Variants in DTD1 observed in about 807,000 individuals in gnomAD.
The protein encoded by DTD1 is D-tyrosyl-tRNA deacylase 1 homolog.
Under a neutral mutation model 25.6 loss-of-function variants are expected in DTD1, and 13 were observed. The ratio of observed to expected loss-of-function variants is 0.51; its 90% CI spans 0.33 to 0.81. The LOEUF (loss-of-function observed/expected upper bound fraction) is 0.81, where lower values mean the gene tolerates loss of function less well. Ranked by LOEUF, DTD1 falls within the 30% of genes least tolerant of loss-of-function variation. The pLI is 0.02. For missense variants in DTD1, 193 were observed against 266.4 expected (o/e 0.72, Z 1.92); for synonymous variants, 110 against 103.6 (o/e 1.06, Z -0.37).
chr20:18,728,345 C>G (rs1468567953), intron 4 of DTD1, among the ~76,000 whole-genome samples: 1 of 152,222 alleles, frequency 6.6e-6, no homozygotes, highest in Non-Finnish European at 1.5e-5. Context: ...TTCAAAGCCA[C>G]TCGAACTCTG....
intron 5 of DTD1, among the ~76,000 whole-genome samples, chr20:18,744,738 G>GC (rs961956422): frequency 1.3e-3 from 193 of 151,546 alleles, no homozygotes; most frequent in African/African-American, 4.5e-3. Context: ...GGGGGAAACT[G>GC]CCCCCATGAT....
intron 3 of DTD1, among the ~76,000 whole-genome samples, chr20:18,611,386 A>G (rs1324274217): frequency 6.6e-6 from 1 of 152,228 alleles, no homozygotes; most frequent in Non-Finnish European, 1.5e-5. Flanking sequence ...TGTGAGCCCA[A>G]GGGATGTTGG....
At chr20:18,739,704 G>A (rs1343408578) in intron 4 of DTD1, among the ~76,000 whole-genome samples, 1 of 152,056 alleles carries the variant, frequency 6.6e-6, no homozygotes, top group Non-Finnish European at 1.5e-5. Context: ...CTCATATGCA[G>A]TACCAGTTTC....
chr20:18,751,402 A>G (rs553320281), intron 5 of DTD1, among the ~76,000 whole-genome samples: 3 of 152,300 alleles, frequency 2.0e-5, no homozygotes, highest in South Asian at 4.1e-4. Context: ...TTATAACAAC[A>G]GCATATTCCC....
chr20:18,623,062 C>T (rs1225651162), intron 3 of DTD1, among the ~76,000 whole-genome samples: 2 of 150,970 alleles, frequency 1.3e-5, no homozygotes, highest in African/African-American at 4.9e-5. Context: ...GCCTCAGTCT[C>T]CTGAGTAGCT....
At chr20:18,723,402 A>G (rs1272159163) in intron 4 of DTD1, among the ~76,000 whole-genome samples, 1 of 152,224 alleles carries the variant, frequency 6.6e-6, no homozygotes, top group East Asian at 1.9e-4. Flanking sequence ...GCTAATGATA[A>G]TAATAAGTAT....
At chr20:18,592,542 G>C (rs2060593571) in intron 1 of DTD1, 1 of 152,000 alleles carries the variant, frequency 6.6e-6, no homozygotes, top group Non-Finnish European at 1.5e-5. Context: ...CAGAACTCCT[G>C]TGCTGATTAG....
chr20:18,760,652 G>A (rs1392269174), intron 5 of DTD1, among the ~76,000 whole-genome samples: 3 of 152,168 alleles, frequency 2.0e-5, no homozygotes, highest in African/African-American at 4.8e-5. Flanking sequence ...CCTACAGTGC[G>A]GTGCCTCCCA....
intron 4 of DTD1, among the ~76,000 whole-genome samples, chr20:18,657,481 T>C (rs1222731984): frequency 2.0e-5 from 3 of 152,194 alleles, no homozygotes; most frequent in Non-Finnish European, 4.4e-5. Context: ...TGGCCAGAGA[T>C]AGCACCTCTA....
intron 4 of DTD1, among the ~76,000 whole-genome samples, chr20:18,688,059 A>G (rs923713762): frequency 3.3e-5 from 5 of 152,150 alleles, no homozygotes; most frequent in African/African-American, 1.2e-4. Flanking sequence ...AAAGAGTAAA[A>G]CGGAATATCT....
chr20:18,663,829 A>G (rs2060920800), intron 4 of DTD1, among the ~76,000 whole-genome samples: 1 of 152,228 alleles, frequency 6.6e-6, no homozygotes, highest in South Asian at 2.1e-4. Flanking sequence ...GGGAACTGCT[A>G]GACATTTATA....
rs3056280 is a variant in DTD1 at position 18,680,417 on chromosome 20, G to GTTT, written c.477+52197_477+52199dup. On this transcript the variant is annotated intron_variant, in intron 4 of 5. Coordinates refer to ENST00000377452, the MANE Select transcript of DTD1 (RefSeq NM_080820.6). ...CACAGTGATTTTTGTTGTTGTCTAC[G>GTTT]TTTTTTTTTTTTTTTGGTCTCACTA... Among the ~76,000 whole-genome samples, 281 of 105,212 alleles carry GTTT rather than the reference G, an allele frequency of 2.7e-3. 3 individuals carry two copies. The highest frequency in any genetic ancestry group is 5.7e-3 in the East Asian group (24 of 4,200). The allele number at this position is 105,212 out of a possible 152,430, so 69.0% of individuals were successfully genotyped here.
intron 4 of DTD1, among the ~76,000 whole-genome samples, chr20:18,675,798 C>A: frequency 2.0e-5 from 3 of 150,766 alleles, no homozygotes; most frequent in Non-Finnish European, 4.4e-5. Context: ...GTAAATATAC[C>A]TATGTGTATA....
intron 4 of DTD1, among the ~76,000 whole-genome samples, chr20:18,717,707 T>C (rs186832222): frequency 2.5e-4 from 38 of 152,340 alleles, no homozygotes; most frequent in African/African-American, 8.9e-4. Flanking sequence ...ATGGAACCAG[T>C]TTATTTTCTT....
chr20:18,723,352 T>C (rs1022013340), intron 4 of DTD1, among the ~76,000 whole-genome samples: 1 of 152,234 alleles, frequency 6.6e-6, no homozygotes, highest in Non-Finnish European at 1.5e-5. Flanking sequence ...TCTTGGCTAT[T>C]ATTGTCCCTG....
At chr20:18,697,667 A>C (rs1420212936) in intron 4 of DTD1, among the ~76,000 whole-genome samples, 2 of 152,116 alleles carry the variant, frequency 1.3e-5, no homozygotes, top group African/African-American at 4.8e-5. Context: ...TGGAGTGTGG[A>C]TATTCAACTC....
At chr20:18,736,978 T>C (rs2061258049) in intron 4 of DTD1, among the ~76,000 whole-genome samples, 1 of 152,226 alleles carries the variant, frequency 6.6e-6, no homozygotes, top group South Asian at 2.1e-4. Flanking sequence ...GCCCAATGCC[T>C]GTGTCCAAGC....
chr20:18,620,812 G>A (rs1285976512), intron 3 of DTD1, among the ~76,000 whole-genome samples: 1 of 151,978 alleles, frequency 6.6e-6, no homozygotes, highest in Non-Finnish European at 1.5e-5. Flanking sequence ...AGGCTGGTCT[G>A]GAACTCCTGG....
chr20:18,718,664 G>A (rs1210411476), intron 4 of DTD1, among the ~76,000 whole-genome samples: 1 of 152,052 alleles, frequency 6.6e-6, no homozygotes, highest in African/African-American at 2.4e-5. Context: ...CTTCAGTTTT[G>A]TATGGTTCTA....
Sources: gnomAD v4.1 joint callset for allele counts (sites outside exome capture counted in the v4.1 genomes callset) on GRCh38, gnomAD v4.1.1 for gene constraint, MANE v1.5 for transcripts, NCBI Gene and HGNC (gene_info 2026-07-23, HGNC 2026-07-21) for gene names.